Variants in XDH observed in about 807,000 individuals in gnomAD.
XDH encodes the protein xanthine dehydrogenase/oxidase.
Under a neutral mutation model 156.1 loss-of-function variants are expected in XDH, and 138 were observed. That is an observed-to-expected ratio of 0.88 (90% confidence interval 0.77 to 1.02). XDH has a LOEUF of 1.02. XDH is among the 50% of genes least tolerant of loss of function. XDH has a pLI of 0.00. For synonymous variants in XDH, 669 were observed against 625.7 expected, an observed-to-expected ratio of 1.07 and a Z score of -1.03; for missense variants, 1,849 against 1,684.9, an observed-to-expected ratio of 1.10 and a Z score of -1.71.
chr2:31,388,668 C>G (rs1340042663), intron 6 of XDH, among the ~76,000 whole-genome samples: 2 of 152,122 alleles, frequency 1.3e-5, no homozygotes, highest in Non-Finnish European at 2.9e-5. Flanking sequence ...TCTCAAGACT[C>G]AAGAGGCTTG....
intron 15 of XDH, 72 bp downstream of exon 15, chr2:31,375,308 T>C: frequency 6.2e-7 from 1 of 1,602,662 alleles, no homozygotes; most frequent in Non-Finnish European, 8.5e-7. Flanking sequence ...GGAGCAAATT[T>C]ACTACCCAGA....
At chr2:31,406,105 A>T in intron 1 of XDH, 141 bp from the exon 2 acceptor site, 1 of 940,542 alleles carries the variant, frequency 1.1e-6, no homozygotes, top group Non-Finnish European at 1.7e-6. Context: ...GCCCCTCTAA[A>T]TCTCATGTTT....
Position 31,397,873 on chromosome 2 carries a change from T to A in XDH, c.434-144A>T, listed in dbSNP as rs1245408054. 4.6e-6 allele frequency: 4 copies of A among 865,838 alleles called. No individual in the cohort carries two copies. The Admixed American group carries it at 8.8e-5, about 19-fold the overall frequency. The allele number at this position is 865,838 out of a possible 1,614,324, so 53.6% of individuals were successfully genotyped here. ...CTCTGTCTGGAAGGCCTCTTGGCCT[T>A]CTCATATCCTGACTTCAGAAAAGTT... On this transcript the variant is annotated intron_variant, in intron 5 of 35. Transcript: ENST00000379416.
chr2:31,368,784 C>T (rs1572535205), intron 18 of XDH, 124 bp from the exon 19 acceptor site: 1 of 1,556,494 alleles, frequency 6.4e-7, no homozygotes, highest in Non-Finnish European at 8.7e-7. Flanking sequence ...TTTAGGAATG[C>T]CCTAGGGCCT....
At chr2:31,397,102 C>T (rs1283142351) in intron 6 of XDH, among the ~76,000 whole-genome samples, 1 of 152,186 alleles carries the variant, frequency 6.6e-6, no homozygotes, top group African/African-American at 2.4e-5. Context: ...TGCCAGATGG[C>T]AGGTGTGTGT....
In XDH at chr2:31,347,647, C is replaced by A. The variant is rs756874478; in HGVS notation, c.3151G>T (p.Ala1051Ser). 4.3e-6 allele frequency: 7 copies of A among 1,613,466 alleles called. No homozygotes were observed. In the African/African-American group the frequency reaches 9.3e-5, roughly 22 times the overall value. ...GTGGGGATTTTCAGAGCTCTACTGG[C>A]CACCTGCGAAAAGAGAAGACATTGC... ...QGLHTKMVQV[A>S]SRALKIPTSK... The change falls in exon 29 of 36, where the codon GCC (alanine) becomes TCC (serine). Residue 1051 changes from alanine to serine, a missense_variant. Transcript: ENST00000379416.
intron 24 of XDH, among the ~76,000 whole-genome samples, chr2:31,351,646 G>T (rs1416998010): frequency 6.6e-6 from 1 of 152,076 alleles, no homozygotes; most frequent in Non-Finnish European, 1.5e-5. Context: ...CCCTCATTTT[G>T]TTGGAGTACA....
chr2:31,384,844 AGTTCTACG>A (rs1199701185), intron 9 of XDH, among the ~76,000 whole-genome samples: 2 of 152,164 alleles, frequency 1.3e-5, no homozygotes, highest in African/African-American at 4.8e-5. Context: ...TGAAGCAGCA[AGTTCTACG>A]TTACTAAGGT....
At chr2:31,412,409 A>G (rs1687365144) in intron 1 of XDH, among the ~76,000 whole-genome samples, 2 of 151,898 alleles carry the variant, frequency 1.3e-5, no homozygotes, top group Non-Finnish European at 2.9e-5. Context: ...GCATGTTCTC[A>G]CTCATAGGTA....
chr2:31,378,467 C>T (rs1686338929), intron 13 of XDH, among the ~76,000 whole-genome samples: 1 of 152,134 alleles, frequency 6.6e-6, no homozygotes, highest in African/African-American at 2.4e-5. Context: ...TTGGAAAAAG[C>T]ACAATGAGGC....
chr2:31,370,526 G>A, intron 17 of XDH, 48 bp from the exon 18 acceptor site: 1 of 1,611,562 alleles, frequency 6.2e-7, no homozygotes. Context: ...GCTGGAGCAG[G>A]GGACCCATCA....
intron 13 of XDH, 40 bp downstream of exon 13, chr2:31,379,827 C>G: frequency 1.3e-6 from 2 of 1,594,012 alleles, no homozygotes; most frequent in Non-Finnish European, 1.7e-6. Flanking sequence ...GGCAATAGGA[C>G]TTATTTGAGC....
chr2:31,379,736 A>G (rs1572547666), intron 13 of XDH, 131 bp downstream of exon 13: 1 of 941,322 alleles, frequency 1.1e-6, no homozygotes, highest in East Asian at 2.4e-5. Flanking sequence ...CAAAGTTCAG[A>G]GAGAAAAATC....
At chr2:31,346,686 T>C in intron 30 of XDH, 83 bp downstream of exon 30, 1 of 1,511,088 alleles carries the variant, frequency 6.6e-7, no homozygotes, top group Non-Finnish European at 9.2e-7. Flanking sequence ...TTGTCTCCTA[T>C]TACTTGTTCG....
chr2:31,385,292 C>T (rs983542937), intron 9 of XDH, among the ~76,000 whole-genome samples: 5 of 152,220 alleles, frequency 3.3e-5, no homozygotes, highest in African/African-American at 1.2e-4. Flanking sequence ...TGAGCCATGG[C>T]CATCAAGATC....
rs548776549 is a variant in XDH at position 31,398,481 on chromosome 2, G to C, written c.433+92C>G. ...GCCTGAGCCCTTCCTCCAAAGGGTAGTCCCTCATGCTTCTCACCCTGGCAC... is the reference window on the plus strand; with the variant it reads ...GCCTGAGCCCTTCCTCCAAAGGGTACTCCCTCATGCTTCTCACCCTGGCAC... On this transcript the variant is annotated intron_variant, in intron 5 of 35. Transcript: ENST00000379416. 10 of 1,600,908 alleles carry C rather than the reference G, an allele frequency of 6.2e-6. No homozygotes were observed. In the South Asian group the frequency reaches 8.9e-5, roughly 14 times the overall value.
chr2:31,372,528 G>C lies in XDH; in HGVS notation c.1687-131C>G, dbSNP rs45622236. ...GGGGTAAGAATAAAGAATTCAGAGG[G>C]GCGTGGGGCAAAGGGAACAGGAAGG... On this transcript the variant is annotated intron_variant, in intron 16 of 35. Transcript: ENST00000379416. 4.0e-3 allele frequency: 4,926 copies of C among 1,243,754 alleles called. 70 individuals are homozygous for C. The Admixed American group carries it at 0.042, about 11-fold the overall frequency. 77.0% of individuals were successfully genotyped at this position (1,243,754 alleles called of 1,614,324 possible). A position where few individuals can be genotyped will look rare whatever the true frequency, so the allele number is the denominator to read the frequency against.
chr2:31,386,982 GGGA>G (rs1686621249), intron 8 of XDH, among the ~76,000 whole-genome samples: 1 of 81,276 alleles, frequency 1.2e-5, no homozygotes, highest in African/African-American at 4.9e-5. Context: ...GAGGGAGGGA[GGGA>G]AGAAAGGAAG....
At chr2:31,369,274 A>T (rs1160306937) in intron 18 of XDH, among the ~76,000 whole-genome samples, 1 of 152,196 alleles carries the variant, frequency 6.6e-6, no homozygotes, top group East Asian at 1.9e-4. Context: ...ACCCAAAAGC[A>T]GTAGCTCTCA....
Sources: allele counts gnomAD v4.1 joint callset (sites outside exome capture counted in the v4.1 genomes callset), GRCh38; gene constraint gnomAD v4.1.1; transcripts MANE v1.5; gene names NCBI Gene and HGNC (gene_info 2026-07-23, HGNC 2026-07-21).